SVEP1: variants seen among roughly 807,000 people sequenced by gnomAD.
The protein encoded by SVEP1 is sushi, von Willebrand factor type A, EGF and pentraxin domain-containing protein 1.
In SVEP1, 164 loss-of-function variants were observed where a neutral mutation model predicts 367.3. The ratio of observed to expected loss-of-function variants is 0.45; its 90% CI spans 0.39 to 0.51. The LOEUF (loss-of-function observed/expected upper bound fraction) is 0.51. Ranked by LOEUF, SVEP1 falls within the 20% of genes least tolerant of loss-of-function variation. The pLI is 0.00. For missense variants in SVEP1, 4,117 were observed against 4,425.3 expected (o/e 0.93, Z 1.98); for synonymous variants, 1,666 against 1,611.6 (o/e 1.03, Z -0.81).
At chr9:110,389,075 C>G (rs1008432691) in intron 41 of SVEP1, among the ~76,000 whole-genome samples, 12 of 152,270 alleles carry the variant, frequency 7.9e-5, no homozygotes, top group Admixed American at 2.6e-4. Flanking sequence ...GCCAAATAAA[C>G]TTGGTTGTTC....
At chr9:110,489,207 C>A (rs1178654368) in intron 9 of SVEP1, among the ~76,000 whole-genome samples, 1 of 152,106 alleles carries the variant, frequency 6.6e-6, no homozygotes, top group Non-Finnish European at 1.5e-5. Context: ...AGTTGTTGAT[C>A]ATAAAGGAGA....
chr9:110,374,574 T>G (rs1195078979), intron 46 of SVEP1, among the ~76,000 whole-genome samples: 1 of 152,094 alleles, frequency 6.6e-6, no homozygotes, highest in Non-Finnish European at 1.5e-5. Context: ...TGCTTGAACC[T>G]GGGAGGCAGA....
intron 1 of SVEP1, among the ~76,000 whole-genome samples, chr9:110,560,045 G>C (rs1264941751): frequency 6.6e-6 from 1 of 152,102 alleles, no homozygotes; most frequent in East Asian, 1.9e-4. Flanking sequence ...ATACACTCAT[G>C]TACCACATAA....
chr9:110,475,105 TTTTTTG>T (rs1173565734), intron 14 of SVEP1, among the ~76,000 whole-genome samples: 33 of 152,098 alleles, frequency 2.2e-4, no homozygotes, highest in African/African-American at 8.0e-4. Flanking sequence ...CTTGATTTCA[TTTTTTG>T]TTTTTAAGCA....
chr9:110,509,020 C>T (rs1455175896), intron 5 of SVEP1, among the ~76,000 whole-genome samples: 2 of 152,198 alleles, frequency 1.3e-5, no homozygotes, highest in East Asian at 3.9e-4. Context: ...ATTCACTGTT[C>T]TTATAATTAA....
intron 24 of SVEP1, among the ~76,000 whole-genome samples, chr9:110,449,631 C>T (rs1160186198): frequency 1.3e-5 from 2 of 151,946 alleles, no homozygotes; most frequent in African/African-American, 2.4e-5. Context: ...TACAGTGAGC[C>T]GAGATCGTGC....
At chr9:110,374,495 GA>G (rs1479411835) in intron 46 of SVEP1, among the ~76,000 whole-genome samples, 2 of 151,972 alleles carry the variant, frequency 1.3e-5, no homozygotes, top group Non-Finnish European at 2.9e-5. Flanking sequence ...ACTAAAAATA[GA>G]AAAATTAGCA....
intron 32 of SVEP1, 110 bp from the exon 33 acceptor site, chr9:110,430,560 G>T: frequency 8.4e-7 from 1 of 1,183,834 alleles, no homozygotes; most frequent in Non-Finnish European, 1.2e-6. Context: ...AATCGCAAGA[G>T]AAAACCTCGT....
At position 110,408,147 on chromosome 9, in the gene SVEP1, G is replaced by T; in HGVS notation, c.7453C>A (p.His2485Asn). The T allele has an allele frequency of 6.2e-7, 1 of 1,613,850 alleles. No homozygotes were observed. Among genetic ancestry groups the T allele is most frequent in the South Asian group, 1.1e-5 (1 of 91,024 alleles). The change falls in exon 38 of 48, where the codon CAC (histidine) becomes AAC (asparagine). Residue 2485 changes from histidine (H) to asparagine (N), a missense_variant. This residue lies in a region of SVEP1 where 1,765 missense variants were observed against 1,781.1 expected (regional missense o/e 0.99). Coordinates refer to ENST00000374469, the MANE Select transcript of SVEP1 (RefSeq NM_153366.4). ...CATGTTGGTTTTCCTCCAAGCCAGT[G>T]ACCATTTTCTCCACAAAGGGTGGTA... ...NTTTLCGENG[H>N]WLGGKPTCKA...
chr9:110,466,379 A>G (rs989381201), intron 17 of SVEP1, among the ~76,000 whole-genome samples: 1 of 152,190 alleles, frequency 6.6e-6, no homozygotes. Flanking sequence ...GAAGTTCTCA[A>G]TACGTACACT....
At position 110,408,747 on chromosome 9, in the gene SVEP1, T is replaced by A; in HGVS notation, c.6853A>T (p.Lys2285Ter). 6.2e-7 allele frequency: 1 copy of A among 1,613,824 alleles called. No individual in the cohort carries two copies. The highest frequency in any genetic ancestry group is 8.5e-7 in the Non-Finnish European group (1 of 1,179,892). Residue 2285 changes from lysine to a stop codon, truncating the protein, a stop_gained, in exon 38 of 48, where the codon AAG (lysine) becomes TAG (stop). Transcript: ENST00000374469. LOFTEE classifies it high-confidence loss of function. ...CCCTCATTACAGAAAAACTGAACCT[T>A]GGACCCTACTTCAAAGTTTTCTCCT... ...MKGENFEVGS[K>*]VQFFCNEGYE...
Position 110,434,343 on chromosome 9 carries a change from G to A in SVEP1, c.5052C>T (p.His1684=). The A allele has an allele frequency of 6.2e-7, 1 of 1,602,158 alleles. No homozygotes were observed. The highest frequency in any genetic ancestry group is 8.5e-7 in the Non-Finnish European group (1 of 1,171,052). The change falls in exon 30 of 48, where the codon CAC becomes CAT. Residue 1684 remains histidine (H), a synonymous_variant. Coordinates refer to ENST00000374469, the MANE Select transcript of SVEP1 (RefSeq NM_153366.4). ...TCAAGAAAGGCAGCTCACGTTCACA[G>A]TGAGGAAGTGGTTGTGTCCACTGTC... is the stretch of plus-strand genomic sequence containing the variant. ...NQGQWTQPLP[H]CERISCGVPP...
chr9:110,522,234 T>C (rs566248270), intron 3 of SVEP1, among the ~76,000 whole-genome samples: 1 of 152,256 alleles, frequency 6.6e-6, no homozygotes, highest in South Asian at 2.1e-4. Flanking sequence ...TTCAGACTTG[T>C]GTAGGCCCAA....
Position 110,407,285 on chromosome 9 carries a change from G to C in SVEP1, c.8315C>G (p.Ala2772Gly). The C allele has an allele frequency of 6.2e-7, 1 of 1,613,942 alleles. No homozygotes were observed. The highest frequency in any genetic ancestry group is 8.5e-7 in the Non-Finnish European group (1 of 1,179,886). ...KWSGASPRCE[A>G]ISCKKPNPVM... ...TGGATTTGGCTTTTTGCATGAAATG[G>C]CTTCACAGCGTGGGGAGGCACCACT... is the stretch of plus-strand genomic sequence containing the variant. The change falls in exon 38 of 48, where the codon GCC becomes GGC. Residue 2772 changes from alanine to glycine, a missense_variant. This residue lies in a region of SVEP1 where 1,765 missense variants were observed against 1,781.1 expected (regional missense o/e 0.99). Transcript: ENST00000374469.
chr9:110,406,323 C>A lies in SVEP1; in HGVS notation c.9277G>T (p.Gly3093Ter). The A allele has an allele frequency of 6.2e-7, 1 of 1,614,074 alleles. No individual in the cohort carries two copies. The highest frequency in any genetic ancestry group is 1.6e-4 in the Middle Eastern group (1 of 6,062). ...ENVITYSCRS[G>*]YVIQGSSDLI... ...TCTGAACTGCCTTGTATGACATATC[C>A]AGACCTGCAGCTGTAAGTTATCACA... The change falls in exon 38 of 48, where the codon GGA (glycine) becomes TGA (stop). Residue 3093 changes from glycine to a stop codon, truncating the protein, a stop_gained. Transcript: ENST00000374469. LOFTEE classifies it high-confidence loss of function.
intron 10 of SVEP1, among the ~76,000 whole-genome samples, chr9:110,482,760 T>C (rs1829212826): frequency 6.6e-6 from 1 of 152,186 alleles, no homozygotes; most frequent in Non-Finnish European, 1.5e-5. Context: ...ACTCCTGACC[T>C]CAGGTTATCT....
intron 9 of SVEP1, among the ~76,000 whole-genome samples, chr9:110,486,637 TTCTC>T (rs1187661748): frequency 1.3e-4 from 18 of 141,796 alleles, no homozygotes; most frequent in Non-Finnish European, 2.1e-4. Flanking sequence ...TTCCTTCTCT[TTCTC>T]TCTCTCTCTC....
intron 1 of SVEP1, among the ~76,000 whole-genome samples, chr9:110,571,624 A>G (rs1344614523): frequency 6.6e-6 from 1 of 152,186 alleles, no homozygotes; most frequent in East Asian, 1.9e-4. Context: ...CATCATGTTT[A>G]AGCTAGTGGT....
chr9:110,392,370 T>A (rs1440453022), intron 40 of SVEP1, among the ~76,000 whole-genome samples: 2 of 152,002 alleles, frequency 1.3e-5, no homozygotes, highest in Non-Finnish European at 2.9e-5. Context: ...TCTCTGACAC[T>A]GTTTGTTGGA....
Sources: allele counts gnomAD v4.1 joint callset (sites outside exome capture counted in the v4.1 genomes callset), GRCh38; gene constraint gnomAD v4.1.1; regional missense constraint gnomAD v4.1.1; transcripts MANE v1.5; gene names NCBI Gene and HGNC (gene_info 2026-07-23, HGNC 2026-07-21).